The following C1QTNF1 variants were observed in gnomAD, a reference collection of about 807,000 sequenced individuals.
C1QTNF1 encodes complement C1q tumor necrosis factor-related protein 1.
A neutral mutation model predicts 27.8 loss-of-function variants in C1QTNF1; 22 were observed. The ratio of observed to expected loss-of-function variants is 0.79; its 90% CI spans 0.56 to 1.13. The LOEUF is 1.13. Ranked by LOEUF, C1QTNF1 falls within the 50% of genes most tolerant of loss-of-function variation. C1QTNF1 has a pLI of 0.00. For synonymous variants in C1QTNF1, 166 were observed against 154.3 expected, an observed-to-expected ratio of 1.08 and a Z score of -0.56; for missense variants, 373 against 380.2, an observed-to-expected ratio of 0.98 and a Z score of 0.16.
chr17:79,032,393 G>T (rs931341053), intron 1 of C1QTNF1, among the ~76,000 whole-genome samples: 1 of 152,224 alleles, frequency 6.6e-6, no homozygotes, highest in African/African-American at 2.4e-5. Flanking sequence ...CTCACGCGGG[G>T]TGGGGAAGGG....
At chr17:79,035,993 T>C (rs1009698657) in intron 1 of C1QTNF1, among the ~76,000 whole-genome samples, 5 of 152,176 alleles carry the variant, frequency 3.3e-5, no homozygotes, top group Admixed American at 1.3e-4. Flanking sequence ...GAGATGCGGA[T>C]GCATGAGAGG....
At position 79,046,756 on chromosome 17, in the gene C1QTNF1, G is replaced by A; in HGVS notation, c.295+62G>A. The A allele has an allele frequency of 1.2e-6, 2 of 1,600,776 alleles. No homozygotes were observed. The highest frequency in any genetic ancestry group is 1.3e-5 in the African/African-American group (1 of 74,772). On this transcript the variant is annotated intron_variant, in intron 3 of 3. Transcript: ENST00000579760. This position sits in a 1 kb window ranked among gnomAD's most constrained non-coding sequence, Gnocchi z 4.8. Reference sequence around the variant, plus strand: ...GCTGCTCTGTGCTGATCCGGAGGAAGGGATGGAGTCGTTAGGGTGGGGCTA... The same window carrying A: ...GCTGCTCTGTGCTGATCCGGAGGAAAGGATGGAGTCGTTAGGGTGGGGCTA...
intron 1 of C1QTNF1, chr17:79,025,715 C>G: frequency 5.1e-6 from 1 of 197,060 alleles, no homozygotes; most frequent in South Asian, 8.5e-5. Flanking sequence ...GGAGGACGTG[C>G]TCCAGGAGGC....
intron 1 of C1QTNF1, among the ~76,000 whole-genome samples, chr17:79,027,871 GA>G (rs1599277285): frequency 1.3e-5 from 2 of 152,230 alleles, no homozygotes; most frequent in East Asian, 3.8e-4. Flanking sequence ...TTCAAAGGGG[GA>G]TGGTCTCCAG....
intron 1 of C1QTNF1, among the ~76,000 whole-genome samples, chr17:79,030,074 T>C (rs541366910): frequency 6.6e-6 from 1 of 152,290 alleles, no homozygotes; most frequent in African/African-American, 2.4e-5. Flanking sequence ...CTCCCCATCC[T>C]ACTCTTCTAT....
intron 1 of C1QTNF1, among the ~76,000 whole-genome samples, chr17:79,038,656 C>T (rs1030765342): frequency 2.0e-5 from 3 of 152,182 alleles, no homozygotes; most frequent in Non-Finnish European, 2.9e-5. Flanking sequence ...ACAGGTTTCA[C>T]GTCACTGGCC....
rs1363403079 is a variant in C1QTNF1 at position 79,046,675 on chromosome 17, C to T, written c.276C>T (p.Ile92=). Residue 92 remains isoleucine (I), a synonymous_variant, in exon 3 of 4, where the codon ATC becomes ATT. Transcript: ENST00000579760. This position sits in a 1 kb window ranked among gnomAD's most constrained non-coding sequence, Gnocchi z 4.8. Reference sequence around the variant, plus strand: ...ACCCGGCGACCGCCGTGCCCCAGATCAACATCACTATCTTGAAAGGTCAGA... The same window carrying T: ...ACCCGGCGACCGCCGTGCCCCAGATTAACATCACTATCTTGAAAGGTCAGA... ...SMYPATAVPQ[I]NITILKGEKG... is the part of the protein sequence containing the mutation. 6.2e-7 allele frequency: 1 copy of T among 1,614,224 alleles called. No individual in the cohort carries two copies. Among genetic ancestry groups the T allele is most frequent in the Non-Finnish European group, 8.5e-7 (1 of 1,180,044 alleles).
intron 1 of C1QTNF1, chr17:79,041,815 C>G (rs563652954): frequency 2.6e-5 from 4 of 151,324 alleles, no homozygotes; most frequent in African/African-American, 9.7e-5. Flanking sequence ...CCCGCAGAGG[C>G]TCCAAAGCCC....
chr17:79,024,684 CT>C (rs1189311497), intron 1 of C1QTNF1, among the ~76,000 whole-genome samples, 190 bp downstream of exon 1: 1 of 152,240 alleles, frequency 6.6e-6, no homozygotes, highest in Non-Finnish European at 1.5e-5. Flanking sequence ...GCGTCTGGCT[CT>C]GGCTCAGCCC....
chr17:79,030,483 CTTTTTCTTTCTTTCT>C (rs1173535747), intron 1 of C1QTNF1, among the ~76,000 whole-genome samples: 1 of 67,818 alleles, frequency 1.5e-5, no homozygotes, highest in Non-Finnish European at 3.4e-5. Context: ...TTCTTTCTTT[CTTTTTCTTTCTTTCT>C]TTCTTTCTTT....
At chr17:79,032,498 G>A (rs2072162386) in intron 1 of C1QTNF1, among the ~76,000 whole-genome samples, 1 of 152,184 alleles carries the variant, frequency 6.6e-6, no homozygotes, top group African/African-American at 2.4e-5. Flanking sequence ...TTTCAGAGCT[G>A]CCTCTGGAAG....
At position 79,044,104 on chromosome 17, in the gene C1QTNF1, C is replaced by A; in HGVS notation, c.136C>A (p.Pro46Thr). The stretch of plus-strand genomic sequence containing the variant: ...GGAGGGGACTGAGGAGCTGCCGTCG[C>A]CTCCGGACCATGCCGAGAGGTGAGG... The part of the protein sequence containing the change: ...EWEGTEELPS[P>T]PDHAERAEEQ... Residue 46 changes from proline (P) to threonine (T), a missense_variant, in exon 2 of 4, where the codon CCT becomes ACT. Pro to Thr is a conservative substitution (Grantham distance 38, BLOSUM62 -1). Transcript: ENST00000579760. 6.2e-7 allele frequency: 1 copy of A among 1,610,974 alleles called. No individual in the cohort carries two copies. The highest frequency in any genetic ancestry group is 8.5e-7 in the Non-Finnish European group (1 of 1,178,130).
chr17:79,043,300 T>C (rs1181538389), intron 1 of C1QTNF1: 2 of 452,970 alleles, frequency 4.4e-6, no homozygotes, highest in Non-Finnish European at 8.8e-6. Context: ...GATTTGGGTA[T>C]GTGTGCATGT....
intron 1 of C1QTNF1, chr17:79,043,708 C>T (rs1568069457): frequency 1.6e-6 from 1 of 612,978 alleles, no homozygotes; most frequent in Admixed American, 2.1e-5. Flanking sequence ...GTGGGGGTTG[C>T]ATGTATGTGA....
chr17:79,043,059 T>G (rs56802079), intron 1 of C1QTNF1, among the ~76,000 whole-genome samples: 3,406 of 144,616 alleles, frequency 0.024, 121 homozygotes, highest in African/African-American at 0.09. Flanking sequence ...CATGTGTGGG[T>G]TGCATGTGTG....
At chr17:79,023,757 G>A (rs1288158004), upstream of C1QTNF1, among the ~76,000 whole-genome samples, 2 of 151,490 alleles carry the variant, frequency 1.3e-5, no homozygotes, top group Non-Finnish European at 2.9e-5. Context: ...TTTTGTTATA[G>A]GGGGTTCACA....
Position 79,049,227 on chromosome 17 carries a change from G to C in C1QTNF1, c.*1139G>C, listed in dbSNP as rs1454102533. The C allele has an allele frequency of 1.3e-5, 2 of 152,416 alleles. No homozygotes were observed. The highest frequency in any genetic ancestry group is 2.9e-5 in the Non-Finnish European group (2 of 68,220). 9.4% of individuals were successfully genotyped at this position (152,416 alleles called of 1,614,324 possible). A position where few individuals can be genotyped will look rare whatever the true frequency, so the allele number is the denominator to read the frequency against. On this transcript the variant is annotated 3_prime_UTR_variant, in exon 4 of 4. Transcript: ENST00000579760. This position sits in a 1 kb window ranked among gnomAD's most constrained non-coding sequence, Gnocchi z 4.4. ...GCTTTTTCTAGGCTTCAGAGCAGGG[G>C]AGAGCTGGAAGGGGCTAGAAAGCTC...
chr17:79,040,297 G>GA (rs1056371676), intron 1 of C1QTNF1, among the ~76,000 whole-genome samples: 1 of 152,066 alleles, frequency 6.6e-6, no homozygotes, highest in African/African-American at 2.4e-5. Flanking sequence ...GTGTCTTTAC[G>GA]AAAAAACAAC....
At chr17:79,039,035 C>T (rs2072332885) in intron 1 of C1QTNF1, among the ~76,000 whole-genome samples, 1 of 152,176 alleles carries the variant, frequency 6.6e-6, no homozygotes, top group African/African-American at 2.4e-5. Flanking sequence ...GTTTCCCAGC[C>T]CCACCCCACC....
Sources: allele counts gnomAD v4.1 joint callset (sites outside exome capture counted in the v4.1 genomes callset), GRCh38; gene constraint gnomAD v4.1.1; non-coding constraint Gnocchi (gnomAD v3.1); transcripts MANE v1.5; gene names NCBI Gene and HGNC (gene_info 2026-07-23, HGNC 2026-07-21).